SOCS4: variants seen among roughly 807,000 people sequenced by gnomAD.
SOCS4 encodes SH2 domain containing SOCS box protein.
In SOCS4, 20 loss-of-function variants were observed where a neutral mutation model predicts 34.1. The ratio of observed to expected loss-of-function variants is 0.59; its 90% CI spans 0.41 to 0.85. The LOEUF is 0.85. Ranked by LOEUF, SOCS4 falls within the 40% of genes least tolerant of loss-of-function variation. SOCS4 has a pLI of 0.00. For missense variants in SOCS4, 479 were observed against 532.4 expected (o/e 0.90, Z 0.99); for synonymous variants, 180 against 186.4 (o/e 0.97, Z 0.28).
chr14:55,043,750 C>G lies in SOCS4; in HGVS notation c.709C>G (p.Leu237Val), dbSNP rs1566756969. The change falls in exon 3 of 3, where the codon CTT (leucine) becomes GTT (valine). Residue 237 changes from leucine to valine, a missense_variant. By Grantham distance (32) the Leu-to-Val change is conservative. Transcript: ENST00000555846. ...GGATTCCGATGATGAAATTCTAACA[C>G]TTTGCACAAGTTCCAGAAAAAGAAA... The part of the protein sequence containing the change: ...DMDSDDEILT[L>V]CTSSRKRNKP... The G allele has an allele frequency of 6.2e-7, 1 of 1,614,136 alleles. No homozygotes were observed. The highest frequency in any genetic ancestry group is 2.2e-5 in the East Asian group (1 of 44,888).
intron 2 of SOCS4, among the ~76,000 whole-genome samples, chr14:55,032,933 C>A (rs1188666084): frequency 6.6e-6 from 1 of 152,106 alleles, no homozygotes; most frequent in African/African-American, 2.4e-5. Flanking sequence ...GAGGCGCCTG[C>A]CACCACACCC....
chr14:55,030,038 C>CT (rs2042514507), intron 1 of SOCS4, among the ~76,000 whole-genome samples: 6 of 152,134 alleles, frequency 3.9e-5, no homozygotes, highest in Admixed American at 3.9e-4. Context: ...TTTATCTAGT[C>CT]TTTATCTAGT....
In SOCS4 at chr14:55,043,886, A is replaced by G. The variant is rs116819699; in HGVS notation, c.845A>G (p.Asn282Ser). 4.3e-5 allele frequency: 69 copies of G among 1,614,094 alleles called. No individual in the cohort carries two copies. The highest frequency in any genetic ancestry group is 5.3e-5 in the African/African-American group (4 of 74,946). ...CTTGTACCAGACCTCCTTCAGATCA[A>G]TAACAACCCATGTTACTGGGGAGTG... ...HCLVPDLLQINNNPCYWGVMD... is the reference protein window; with the variant it reads ...HCLVPDLLQISNNPCYWGVMD... Residue 282 changes from asparagine to serine, a missense_variant, in exon 3 of 3, where the codon AAT becomes AGT. Physicochemically the swap from Asn to Ser is conservative, Grantham distance 46. Coordinates refer to ENST00000555846, the MANE Select transcript of SOCS4 (RefSeq NM_199421.2).
chr14:55,042,277 A>C (rs531121170), intron 2 of SOCS4, among the ~76,000 whole-genome samples: 34 of 152,240 alleles, frequency 2.2e-4, no homozygotes, highest in Non-Finnish European at 4.3e-4. Flanking sequence ...ACAAATGAGT[A>C]TGTGTTTAAA....
rs1229566279 is a variant in SOCS4, at chr14:55,043,242, G to A, written c.201G>A (p.Arg67=). 5.0e-6 allele frequency: 8 copies of A among 1,614,088 alleles called. No individual in the cohort carries two copies. The highest frequency in any genetic ancestry group is 6.8e-6 in the Non-Finnish European group (8 of 1,180,040). The change falls in exon 3 of 3, where the codon AGG becomes AGA. Residue 67 remains arginine (R), a synonymous_variant. Transcript: ENST00000555846. ...KTEVSLRNQE[R]KHSCSSIELD... ...AAGTGTCTTTAAGGAACCAAGAAAGGAAGCACAGCTGTTCATCCATTGAGT... is the reference window on the plus strand; with the variant it reads ...AAGTGTCTTTAAGGAACCAAGAAAGAAAGCACAGCTGTTCATCCATTGAGT...
At position 55,041,783 on chromosome 14, in the gene SOCS4, C is replaced by CTTTTTTTTTTTTTTTTTTTTTTTT. The variant is rs35998700; in HGVS notation, c.-90-1166_-90-1143dup. The stretch of plus-strand genomic sequence containing the variant: ...CCACCGTGCCCAGCCAACCCTTAAT[C>CTTTTTTTTTTTTTTTTTTTTTTTT]TTTTTTTTTTTTTTTTTTTTTTTTT... On this transcript the variant is annotated intron_variant, in intron 2 of 2. Coordinates refer to ENST00000555846, the MANE Select transcript of SOCS4 (RefSeq NM_199421.2). Among the ~76,000 whole-genome samples the CTTTTTTTTTTTTTTTTTTTTTTTT allele has an allele frequency of 8.0e-4, 32 of 40,080 alleles. 6 individuals are homozygous for CTTTTTTTTTTTTTTTTTTTTTTTT. Among genetic ancestry groups the CTTTTTTTTTTTTTTTTTTTTTTTT allele is most frequent in the Non-Finnish European group, 1.1e-3 (24 of 21,040 alleles). The allele number at this position is 40,080 out of a possible 152,430, so 26.3% of individuals were successfully genotyped here.
At chr14:55,037,985 A>G (rs2042588037) in intron 2 of SOCS4, among the ~76,000 whole-genome samples, 1 of 152,234 alleles carries the variant, frequency 6.6e-6, no homozygotes, top group African/African-American at 2.4e-5. Context: ...GCTATTAAAG[A>G]CATACCCAAG....
intron 2 of SOCS4, among the ~76,000 whole-genome samples, chr14:55,042,118 TAAGTA>T (rs1330222821): frequency 1.3e-5 from 2 of 152,162 alleles, no homozygotes; most frequent in African/African-American, 2.4e-5. Flanking sequence ...TAAGAATACT[TAAGTA>T]AATTCCATTT....
At chr14:55,028,767 G>A (rs183351892) in intron 1 of SOCS4, among the ~76,000 whole-genome samples, 2 of 152,230 alleles carry the variant, frequency 1.3e-5, no homozygotes, top group African/African-American at 4.8e-5. Flanking sequence ...TGCATGTATG[G>A]TAAAAGCTTG....
Position 55,039,018 on chromosome 14 carries a change from GT to G in SOCS4, c.-90-3932del, listed in dbSNP as rs561860420. On this transcript the variant is annotated intron_variant, in intron 2 of 2. Transcript: ENST00000555846. ...GTGATTTTATTTCTCATATTTTCTT[GT>G]TGTTTGGACTGACTTCTGAGAGAAG... Among the ~76,000 whole-genome samples the G allele has an allele frequency of 5.3e-3, 803 of 152,240 alleles. 3 individuals are homozygous for G. Among genetic ancestry groups the G allele is most frequent in the Non-Finnish European group, 7.9e-3 (540 of 67,990 alleles).
intron 1 of SOCS4, among the ~76,000 whole-genome samples, chr14:55,028,637 C>G (rs771255542): frequency 5.3e-5 from 8 of 152,092 alleles, no homozygotes; most frequent in Non-Finnish European, 1.2e-4. Context: ...TACAAAATGC[C>G]TTCACTATAA....
At chr14:55,039,900 A>C (rs1008600277) in intron 2 of SOCS4, among the ~76,000 whole-genome samples, 1 of 152,202 alleles carries the variant, frequency 6.6e-6, no homozygotes, top group Non-Finnish European at 1.5e-5. Context: ...CGTCTCAAAA[A>C]AGAAAAAGAA....
At chr14:55,031,345 C>A (rs1396887981) in intron 1 of SOCS4, among the ~76,000 whole-genome samples, 1 of 152,114 alleles carries the variant, frequency 6.6e-6, no homozygotes, top group African/African-American at 2.4e-5. Context: ...ACAGATTAGC[C>A]CATTAATGTT....
At chr14:55,030,555 C>T (rs2042519694) in intron 1 of SOCS4, among the ~76,000 whole-genome samples, 1 of 152,066 alleles carries the variant, frequency 6.6e-6, no homozygotes, top group Admixed American at 6.5e-5. Flanking sequence ...AAAGTGTTCC[C>T]ACCTCTCATT....
Position 55,040,847 on chromosome 14 carries a change from C to G in SOCS4, c.-90-2105C>G, listed in dbSNP as rs1319120637. 2.0e-5 allele frequency among the ~76,000 whole-genome samples: 3 copies of G among 151,700 alleles called. No homozygotes were observed. The East Asian group carries it at 5.8e-4, about 29-fold the overall frequency. On this transcript the variant is annotated intron_variant, in intron 2 of 2. Transcript: ENST00000555846. ...TTGGTTGAATCTGAGGATGGAGAAC[C>G]CATGGATATGGAGGGCTGACCATAA...
rs1393132620 is a variant in SOCS4, at chr14:55,045,189, C to T, written c.*825C>T. 1 of 166,944 alleles carries T rather than the reference C, an allele frequency of 6.0e-6. No homozygotes were observed. Among genetic ancestry groups the T allele is most frequent in the Non-Finnish European group, 1.5e-5 (1 of 68,064 alleles). The allele number at this position is 166,944 out of a possible 1,614,324, so 10.3% of individuals were successfully genotyped here. On this transcript the variant is annotated 3_prime_UTR_variant, in exon 3 of 3. Coordinates refer to ENST00000555846, the MANE Select transcript of SOCS4 (RefSeq NM_199421.2). ...GGAAGCTTTGAAAATAATGATAACA[C>T]TATTAGTAGCTAGTAGTTACTAAAG...
At chr14:55,042,308 T>G (rs1339715595) in intron 2 of SOCS4, among the ~76,000 whole-genome samples, 1 of 152,204 alleles carries the variant, frequency 6.6e-6, no homozygotes, top group East Asian at 1.9e-4. Context: ...TTTATCAATT[T>G]TGTATTTTCT....
chr14:55,045,915 C>G lies in SOCS4; in HGVS notation c.*1551C>G, dbSNP rs2042671724. On this transcript the variant is annotated 3_prime_UTR_variant, in exon 3 of 3. Coordinates refer to ENST00000555846, the MANE Select transcript of SOCS4 (RefSeq NM_199421.2). ...TTGCTTTTATGTGAGTAGCATTTCC[C>G]TATCTTGCAGTTCTGTTAACATGAA... 6.0e-6 allele frequency: 1 copy of G among 166,876 alleles called. No homozygotes were observed. The highest frequency in any genetic ancestry group is 2.4e-5 in the African/African-American group (1 of 41,438). The allele number at this position is 166,876 out of a possible 1,614,324, so 10.3% of individuals were successfully genotyped here. A position where few individuals can be genotyped will look rare whatever the true frequency, so the allele number is the denominator to read the frequency against.
chr14:55,047,664 CTTA>C lies in SOCS4; in HGVS notation c.*3305_*3307del, dbSNP rs1326013334. The C allele has an allele frequency of 6.0e-6, 1 of 167,034 alleles. No homozygotes were observed. The highest frequency in any genetic ancestry group is 2.4e-5 in the African/African-American group (1 of 41,428). The allele number at this position is 167,034 out of a possible 1,614,324, so 10.3% of individuals were successfully genotyped here. A position where few individuals can be genotyped will look rare whatever the true frequency, so the allele number is the denominator to read the frequency against. ...TGGCTTTCAGTTAAAGTTTTGACTT[CTTA>C]TTATAAATAATATAAAGAATGTCTC... On this transcript the variant is annotated 3_prime_UTR_variant, in exon 3 of 3. Coordinates refer to ENST00000555846, the MANE Select transcript of SOCS4 (RefSeq NM_199421.2).
Sources: gnomAD v4.1 joint callset for allele counts (sites outside exome capture counted in the v4.1 genomes callset) on GRCh38, gnomAD v4.1.1 for gene constraint, MANE v1.5 for transcripts, NCBI Gene and HGNC (gene_info 2026-07-23, HGNC 2026-07-21) for gene names.